ADGRA2: variants seen among roughly 807,000 people sequenced by gnomAD.
The protein encoded by ADGRA2 is G-protein coupled receptor 124.
In ADGRA2, 61 loss-of-function variants were observed where a neutral mutation model predicts 98.7. The ratio of observed to expected loss-of-function variants is 0.62; its 90% confidence interval spans 0.50 to 0.76. The LOEUF is 0.76. ADGRA2 is among the 30% of genes least tolerant of loss of function. The pLI is 0.00. For synonymous variants in ADGRA2, 858 were observed against 831.5 expected (o/e 1.03, Z -0.55); for missense variants, 1,712 against 1,860.0 (o/e 0.92, Z 1.46).
At chr8:37,808,315 G>T (rs1804734142) in intron 1 of ADGRA2, among the ~76,000 whole-genome samples, 1 of 152,198 alleles carries the variant, frequency 6.6e-6, no homozygotes, top group Non-Finnish European at 1.5e-5. Context: ...GCTAGTGTGT[G>T]GTTGGGCAGG....
rs1259122253 is a variant in ADGRA2 at position 37,841,318 on chromosome 8, G to T, written c.2980G>T (p.Ala994Ser). Residue 994 changes from alanine (A) to serine (S), a missense_variant, in exon 19 of 19, where the codon GCT (alanine) becomes TCT (serine). Transcript: ENST00000412232. This position sits in a 1 kb window ranked among gnomAD's most constrained non-coding sequence, Gnocchi z 5.0. ...PLLSDSGSLL[A>S]TGSARVGTPG... ...CCTGAGTGACTCAGGTTCCCTTCTT[G>T]CTACTGGGAGCGCGCGAGTGGGGAC... 6.2e-7 allele frequency: 1 copy of T among 1,607,070 alleles called. No homozygotes were observed. Among genetic ancestry groups the T allele is most frequent in the South Asian group, 1.1e-5 (1 of 90,518 alleles).
Position 37,830,364 on chromosome 8 carries a change from C to A in ADGRA2, c.719-346C>A, listed in dbSNP as rs771360454. Among the ~76,000 whole-genome samples the A allele has an allele frequency of 6.6e-6, 1 of 152,214 alleles. No homozygotes were observed. Among genetic ancestry groups the A allele is most frequent in the Non-Finnish European group, 1.5e-5 (1 of 68,040 alleles). On this transcript the variant is annotated intron_variant, in intron 6 of 18. Transcript: ENST00000412232. The surrounding 1 kb of genome is among the most constrained non-coding windows in gnomAD (Gnocchi z 4.8). ...ACTCCGCCTATGACTGTGTGCTGGG[C>A]GTGTCCTCCAGGGCATCCCCTTTCC...
In ADGRA2 at chr8:37,839,490, T is replaced by G; in HGVS notation, c.2388-9T>G. 1 of 1,613,992 alleles carries G rather than the reference T, an allele frequency of 6.2e-7. No homozygotes were observed. Reference sequence around the variant, plus strand: ...GGACGGCCATTAATTCGAGACTGTTTCCGGGCAGCTCCATCCGTGTGTCCC... The same window carrying G: ...GGACGGCCATTAATTCGAGACTGTTGCCGGGCAGCTCCATCCGTGTGTCCC... On this transcript the variant is annotated splice_polypyrimidine_tract_variant and intron_variant, in intron 15 of 18. Transcript: ENST00000412232.
intron 2 of ADGRA2, among the ~76,000 whole-genome samples, chr8:37,817,347 G>A (rs16887057): frequency 0.014 from 2,161 of 152,292 alleles, 111 homozygotes; most frequent in Admixed American, 0.089. Context: ...CCCTCTAACC[G>A]TCTGCTCTGT....
chr8:37,811,990 T>G (rs1308643986), intron 1 of ADGRA2, among the ~76,000 whole-genome samples: 1 of 151,824 alleles, frequency 6.6e-6, no homozygotes, highest in Non-Finnish European at 1.5e-5. Flanking sequence ...GTAATCCAGC[T>G]ACTCTGGAGG....
intron 1 of ADGRA2, among the ~76,000 whole-genome samples, chr8:37,809,932 T>C (rs1804777594): frequency 6.6e-6 from 1 of 152,080 alleles, no homozygotes; most frequent in Admixed American, 6.6e-5. Context: ...GCCAGAGGCT[T>C]GTCCTTGCCC....
rs1305775305 is a variant in ADGRA2 at position 37,840,125 on chromosome 8, G to A, written c.2516G>A (p.Gly839Asp). 2 of 1,594,484 alleles carry A rather than the reference G, an allele frequency of 1.3e-6. No homozygotes were observed. Among genetic ancestry groups the A allele is most frequent in the Non-Finnish European group, 1.7e-6 (2 of 1,174,014 alleles). ...TNYQMVCQAV[G>D]ITLHYSSLST... is the part of the protein sequence containing the mutation. ...CTCCGTGCCTTGACCCCGCAGGTGG[G>A]CATCACCCTGCACTACTCCTCCCTA... Residue 839 changes from glycine (G) to aspartate (D), a missense_variant, in exon 17 of 19, where the codon GGC becomes GAC. Physicochemically the swap from Gly to Asp is moderately conservative, Grantham distance 94. Coordinates refer to ENST00000412232, the MANE Select transcript of ADGRA2 (RefSeq NM_032777.10).
rs1805773709 is a variant in ADGRA2 at position 37,840,997 on chromosome 8, A to T, written c.2748-89A>T. 6.7e-6 allele frequency: 9 copies of T among 1,343,382 alleles called. No individual in the cohort carries two copies. The Admixed American group carries it at 1.1e-4, about 16-fold the overall frequency. 83.2% of individuals were successfully genotyped at this position (1,343,382 alleles called of 1,614,324 possible). On this transcript the variant is annotated intron_variant, in intron 18 of 18. Transcript: ENST00000412232. ...CCAAGCCGTCCTTGTCTCCGTACTC[A>T]CCATATCCTGTCTCCCCAACCACCC...
chr8:37,839,129 G>T, intron 15 of ADGRA2, 46 bp downstream of exon 15: 1 of 1,608,716 alleles, frequency 6.2e-7, no homozygotes, highest in Admixed American at 1.7e-5. Context: ...AGGCATGGAA[G>T]GGGCCCCTAC....
rs115247446 is a variant in ADGRA2, at chr8:37,834,133, T to C, written c.1608+5T>C. ...CATGCCCAGCACATCTCAGTGGTAA[T>C]GGGGGTCAGCAGAGGGGGTGGCCCT... On this transcript the variant is annotated splice_donor_5th_base_variant and intron_variant, in intron 11 of 18. Transcript: ENST00000412232. This position sits in a 1 kb window ranked among gnomAD's most constrained non-coding sequence, Gnocchi z 4.2. 4,023 of 1,607,466 alleles carry C rather than the reference T, an allele frequency of 2.5e-3. 66 individuals carry two copies. The African/African-American group carries it at 0.043, about 17-fold the overall frequency.
Position 37,829,990 on chromosome 8 carries a change from C to A in ADGRA2, c.694C>A (p.Leu232Ile). 6.3e-7 allele frequency: 1 copy of A among 1,589,352 alleles called. No homozygotes were observed. Residue 232 changes from leucine (L) to isoleucine (I), a missense_variant, in exon 6 of 19, where the codon CTC becomes ATC. Transcript: ENST00000412232. ...CCTGCATGCTCAGGCCCTGGGCAGC[C>A]TCCAGGAGGCCCAGCTCTGCTGCGG... ...SALHAQALGS[L>I]QEAQLCCEGA... is the part of the protein sequence containing the mutation.
rs1276972501 is a variant in ADGRA2, at chr8:37,833,148, G to A, written c.1236G>A (p.Gly412=). 1.9e-6 allele frequency: 3 copies of A among 1,613,138 alleles called. No homozygotes were observed. The highest frequency in any genetic ancestry group is 3.3e-5 in the Admixed American group (2 of 59,986). ...RCDRAGRWEP[G]DYSHCLYTND... ...ACCGTGCCGGCCGCTGGGAGCCAGGGGACTACTCCCACTGTCTCTACACCA... is the reference window on the plus strand; with the variant it reads ...ACCGTGCCGGCCGCTGGGAGCCAGGAGACTACTCCCACTGTCTCTACACCA... Residue 412 remains glycine, a synonymous_variant, in exon 9 of 19, where the codon GGG becomes GGA. Transcript: ENST00000412232.
rs1457032035 is a variant in ADGRA2 at position 37,797,555 on chromosome 8, G to T, written c.266+21G>T. On this transcript the variant is annotated intron_variant, in intron 1 of 18. Coordinates refer to ENST00000412232, the MANE Select transcript of ADGRA2 (RefSeq NM_032777.10). This position sits in a 1 kb window ranked among gnomAD's most constrained non-coding sequence, Gnocchi z 5.3. ...ACCCTGTGAGTACCCTACCAGGCCAGTTCCGTCCGAGCCGGGACTGGGGAC... is the reference window on the plus strand; with the variant it reads ...ACCCTGTGAGTACCCTACCAGGCCATTTCCGTCCGAGCCGGGACTGGGGAC... The T allele has an allele frequency of 7.4e-7, 1 of 1,357,896 alleles. No homozygotes were observed. Among genetic ancestry groups the T allele is most frequent in the Non-Finnish European group, 9.5e-7 (1 of 1,048,086 alleles). 84.1% of individuals were successfully genotyped at this position (1,357,896 alleles called of 1,614,324 possible).
intron 5 of ADGRA2, 81 bp from the exon 6 acceptor site, chr8:37,829,770 C>A: frequency 7.1e-7 from 1 of 1,406,530 alleles, no homozygotes. Flanking sequence ...TCTCCAGCTT[C>A]ATCCCTCCCT....
In ADGRA2 at chr8:37,842,620, CGTCT is replaced by C; in HGVS notation, c.*268_*271del. ...CCCTCCCAGGAACGGGGAAGGCCTC[CGTCT>C]GTGTGAAAGGGCACAGCACATCCCA... is the stretch of plus-strand genomic sequence containing the variant. On this transcript the variant is annotated 3_prime_UTR_variant, in exon 19 of 19. Transcript: ENST00000412232. 4.5e-6 allele frequency: 2 copies of C among 449,128 alleles called. No homozygotes were observed. Among genetic ancestry groups the C allele is most frequent in the Non-Finnish European group, 7.4e-6 (2 of 271,688 alleles). The allele number at this position is 449,128 out of a possible 1,614,324, so 27.8% of individuals were successfully genotyped here.
intron 1 of ADGRA2, among the ~76,000 whole-genome samples, chr8:37,810,220 G>T (rs1255375237): frequency 1.3e-5 from 2 of 151,756 alleles, no homozygotes; most frequent in Non-Finnish European, 2.9e-5. Flanking sequence ...TAGAAACAGG[G>T]TCTCGCTAGG....
rs767391814 is a variant in ADGRA2, at chr8:37,842,758, T to C, written c.*403T>C. The C allele has an allele frequency of 5.7e-6, 1 of 173,990 alleles. No individual in the cohort carries two copies. Among genetic ancestry groups the C allele is most frequent in the Non-Finnish European group, 1.2e-5 (1 of 82,904 alleles). 10.8% of individuals were successfully genotyped at this position (173,990 alleles called of 1,614,324 possible). ...GATGAGAGCGTGGGAACTGTGTTCT[T>C]TCCTCCCTGCCCTCTACTGATTTCA... On this transcript the variant is annotated 3_prime_UTR_variant, in exon 19 of 19. Coordinates refer to ENST00000412232, the MANE Select transcript of ADGRA2 (RefSeq NM_032777.10).
chr8:37,806,826 G>A (rs190518883), intron 1 of ADGRA2, among the ~76,000 whole-genome samples: 41 of 152,142 alleles, frequency 2.7e-4, no homozygotes, highest in Middle Eastern at 3.4e-3. Context: ...CACTGCGCCC[G>A]GCATGTAGCC....
At chr8:37,809,349 G>A (rs1021609192) in intron 1 of ADGRA2, among the ~76,000 whole-genome samples, 6 of 150,476 alleles carry the variant, frequency 4.0e-5, no homozygotes, top group Non-Finnish European at 7.4e-5. Flanking sequence ...AAAACTGCCT[G>A]CCCTCCTCTC....
Sources: allele counts gnomAD v4.1 joint callset (sites outside exome capture counted in the v4.1 genomes callset), GRCh38; gene constraint gnomAD v4.1.1; non-coding constraint Gnocchi (gnomAD v3.1); transcripts MANE v1.5; gene names NCBI Gene and HGNC (gene_info 2026-07-23, HGNC 2026-07-21).